Variants in SARNP observed in about 807,000 individuals in gnomAD.
SARNP encodes the protein SAP domain containing ribonucleoprotein.
Under a neutral mutation model 38.1 loss-of-function variants are expected in SARNP, and 5 were observed. The ratio of observed to expected loss-of-function variants is 0.13; its 90% confidence interval spans 0.07 to 0.28. The LOEUF (loss-of-function observed/expected upper bound fraction) is 0.28. Among genes scored for constraint, SARNP ranks in the 10% least tolerant of loss-of-function variants. SARNP has a pLI of 1.00. For synonymous variants in SARNP, 84 were observed against 80.6 expected (o/e 1.04, Z -0.23); for missense variants, 180 against 243.9 (o/e 0.74, Z 1.75).
chr12:55,814,043 T>C (rs1430040518), intron 1 of SARNP, among the ~76,000 whole-genome samples: 1 of 152,220 alleles, frequency 6.6e-6, no homozygotes, highest in Non-Finnish European at 1.5e-5. Context: ...ATGCTAAGTG[T>C]TGGCAATTGA....
chr12:55,775,365 G>A (rs1040004661), intron 9 of SARNP, among the ~76,000 whole-genome samples: 5 of 28,024 alleles, frequency 1.8e-4, no homozygotes, highest in African/African-American at 7.4e-4. Flanking sequence ...TTCGAGACCA[G>A]CCTGGCCAAC....
chr12:55,753,505 T>TA (rs1309251850), downstream of SARNP: 2 of 152,046 alleles, frequency 1.3e-5, no homozygotes, highest in African/African-American at 2.4e-5. Flanking sequence ...CGCAGTGGCT[T>TA]ACATCTGTAA....
At chr12:55,791,274 A>G (rs571539664) in intron 7 of SARNP, among the ~76,000 whole-genome samples, 1 of 152,236 alleles carries the variant, frequency 6.6e-6, no homozygotes, top group Non-Finnish European at 1.5e-5. Context: ...CTCTGTGAAT[A>G]TACTATGAAA....
chr12:55,785,698 C>T (rs2136192106), intron 9 of SARNP, among the ~76,000 whole-genome samples: 1 of 151,962 alleles, frequency 6.6e-6, no homozygotes, highest in South Asian at 2.1e-4. Flanking sequence ...ATCACTTGAA[C>T]CCAGGAGGCA....
intron 9 of SARNP, among the ~76,000 whole-genome samples, chr12:55,779,346 T>A (rs1414180775): frequency 6.6e-6 from 1 of 152,206 alleles, no homozygotes; most frequent in Non-Finnish European, 1.5e-5. Flanking sequence ...CACTTAGATG[T>A]CTACTATCTG....
intron 10 of SARNP, 80 bp from the exon 11 acceptor site, chr12:55,757,633 C>T: frequency 3.6e-6 from 4 of 1,118,960 alleles, no homozygotes; most frequent in Non-Finnish European, 5.2e-6. Flanking sequence ...AATCCAAACT[C>T]ACATGAACTG....
chr12:55,812,877 A>AT (rs1477302966), intron 1 of SARNP, among the ~76,000 whole-genome samples: 4 of 152,356 alleles, frequency 2.6e-5, no homozygotes, highest in East Asian at 1.9e-4. Flanking sequence ...TGAGCAAAAC[A>AT]TAAGAGTCCT....
At chr12:55,755,923 T>C (rs979467916), downstream of SARNP, 1 of 86,190 alleles carries the variant, frequency 1.2e-5, no homozygotes, top group Non-Finnish European at 2.3e-5. Context: ...TCTGGAAGGT[T>C]ATAGAGGATA....
At chr12:55,794,956 TTA>T in intron 5 of SARNP, 76 bp from the exon 6 acceptor site, 12 of 344,658 alleles carry the variant, frequency 3.5e-5, no homozygotes, top group South Asian at 1.3e-4. Context: ...GTAGGTATCT[TTA>T]AAAAAAAAAA....
intron 4 of SARNP, among the ~76,000 whole-genome samples, chr12:55,798,012 T>TA (rs1879868783): frequency 6.6e-6 from 1 of 152,240 alleles, no homozygotes; most frequent in South Asian, 2.1e-4. Flanking sequence ...CTCTATTTTT[T>TA]AACCCACAGA....
At position 55,816,169 on chromosome 12, in the gene SARNP, C is replaced by T. The variant is rs138399416; in HGVS notation, c.36+1497G>A. ...CAATCTATAAATGCAAGTAAGTCAT[C>T]GGGCAGCTGGTGACTTACTCCAGGG... On this transcript the variant is annotated intron_variant, in intron 1 of 10. Coordinates refer to ENST00000336133, the MANE Select transcript of SARNP (RefSeq NM_033082.4). 1.4e-4 allele frequency among the ~76,000 whole-genome samples: 22 copies of T among 152,268 alleles called. No individual in the cohort carries two copies. In the East Asian group the frequency reaches 4.0e-3, roughly 28 times the overall value.
intron 9 of SARNP, among the ~76,000 whole-genome samples, chr12:55,763,350 C>T (rs964907792): frequency 6.6e-6 from 1 of 150,654 alleles, no homozygotes; most frequent in South Asian, 2.1e-4. Flanking sequence ...CTCGCTCTGT[C>T]GCCCAGGCTG....
At chr12:55,759,576 A>G (rs1007392021) in intron 10 of SARNP, among the ~76,000 whole-genome samples, 5 of 152,044 alleles carry the variant, frequency 3.3e-5, no homozygotes, top group African/African-American at 1.2e-4. Context: ...GCACCTGGCT[A>G]ATTTTTTTAA....
Position 55,778,521 on chromosome 12 carries a change from C to CT in SARNP, c.501+10553dup, listed in dbSNP as rs1175608929. Among the ~76,000 whole-genome samples the CT allele has an allele frequency of 4.6e-5, 7 of 151,818 alleles. No individual in the cohort carries two copies. The East Asian group carries it at 7.7e-4, about 17-fold the overall frequency. ...TTGGGAGGGTGGAGAAAAGTAGTGT[C>CT]TTTTTTTTATCTTAAAGGGGAGGAG... is the stretch of plus-strand genomic sequence containing the variant. On this transcript the variant is annotated intron_variant, in intron 9 of 10. Coordinates refer to ENST00000336133, the MANE Select transcript of SARNP (RefSeq NM_033082.4).
At chr12:55,791,006 T>C (rs1267683086) in intron 7 of SARNP, among the ~76,000 whole-genome samples, 1 of 152,212 alleles carries the variant, frequency 6.6e-6, no homozygotes, top group Non-Finnish European at 1.5e-5. Flanking sequence ...TGGAATATTA[T>C]TAAACAATAA....
intron 9 of SARNP, among the ~76,000 whole-genome samples, chr12:55,784,366 C>T (rs891079938): frequency 4.5e-4 from 68 of 152,282 alleles, no homozygotes; most frequent in Middle Eastern, 3.4e-3. Context: ...ACCAACCAAA[C>T]GCTACGTAGC....
chr12:55,807,710 A>T (rs1880194736), intron 1 of SARNP, among the ~76,000 whole-genome samples: 1 of 150,226 alleles, frequency 6.7e-6, no homozygotes, highest in East Asian at 1.9e-4. Context: ...GCTCCTCAGG[A>T]GGCTGAGGCA....
intron 1 of SARNP, among the ~76,000 whole-genome samples, chr12:55,817,107 G>A (rs900151057): frequency 5.9e-5 from 9 of 152,086 alleles, no homozygotes; most frequent in African/African-American, 1.9e-4. Flanking sequence ...GGCTTCTAAG[G>A]CGAGACCGAT....
chr12:55,803,095 T>C (rs1880031491), intron 2 of SARNP, among the ~76,000 whole-genome samples: 2 of 152,066 alleles, frequency 1.3e-5, no homozygotes, highest in South Asian at 4.2e-4. Flanking sequence ...AACGGGTGCC[T>C]AAATGGGTTG....
Sources: allele counts gnomAD v4.1 joint callset (sites outside exome capture counted in the v4.1 genomes callset), GRCh38; gene constraint gnomAD v4.1.1; transcripts MANE v1.5; gene names NCBI Gene and HGNC (gene_info 2026-07-23, HGNC 2026-07-21).